The following NPAS3 variants were observed in gnomAD, a reference collection of about 807,000 sequenced individuals.
NPAS3 encodes the protein neuronal PAS domain-containing protein 3.
NPAS3 carries 14 observed loss-of-function variants against 73.1 expected under a neutral mutation model. The ratio of observed to expected loss-of-function variants is 0.19; its 90% CI spans 0.13 to 0.30. The LOEUF is 0.30. Among genes scored for constraint, NPAS3 ranks in the 10% least tolerant of loss-of-function variants. The pLI is 1.00. For synonymous variants in NPAS3, 620 were observed against 541.5 expected (o/e 1.14, Z -2.01); for missense variants, 1,096 against 1,250.0 (o/e 0.88, Z 1.86).
chr14:33,424,929 A>G (rs1158123331), intron 4 of NPAS3, among the ~76,000 whole-genome samples: 1 of 152,006 alleles, frequency 6.6e-6, no homozygotes, highest in African/African-American at 2.4e-5. Flanking sequence ...TTGAAGGACT[A>G]TGTGTAAAAA....
intron 4 of NPAS3, among the ~76,000 whole-genome samples, chr14:33,528,240 AG>A (rs2053888944): frequency 6.6e-6 from 1 of 151,980 alleles, no homozygotes; most frequent in Non-Finnish European, 1.5e-5. Flanking sequence ...TATTTCAGCC[AG>A]GTCTGCCTGA....
chr14:33,737,808 C>A (rs1017722954), intron 7 of NPAS3, among the ~76,000 whole-genome samples: 1 of 152,044 alleles, frequency 6.6e-6, no homozygotes, highest in African/African-American at 2.4e-5. Flanking sequence ...TGGTAATCAC[C>A]CCACCACCAC....
At chr14:33,165,035 A>G (rs1455038456) in intron 2 of NPAS3, among the ~76,000 whole-genome samples, 1 of 152,170 alleles carries the variant, frequency 6.6e-6, no homozygotes, top group African/African-American at 2.4e-5. Context: ...GAAAGGTGTA[A>G]GAGAGACAAG....
intron 4 of NPAS3, among the ~76,000 whole-genome samples, chr14:33,528,498 G>A (rs2053901213): frequency 6.6e-6 from 1 of 151,994 alleles, no homozygotes. Flanking sequence ...ACAAAGAGGA[G>A]GGAGTGGTCG....
chr14:33,629,706 C>G (rs1277636386), intron 5 of NPAS3, among the ~76,000 whole-genome samples: 3 of 151,890 alleles, frequency 2.0e-5, no homozygotes, highest in Admixed American at 6.6e-5. Context: ...GCATTTCAGA[C>G]ACACTGTCTT....
intron 5 of NPAS3, among the ~76,000 whole-genome samples, chr14:33,587,952 C>T (rs2139924217): frequency 6.6e-6 from 1 of 152,320 alleles, no homozygotes; most frequent in Admixed American, 6.5e-5. Flanking sequence ...AAACCTGATT[C>T]ACCACACCAT....
At chr14:33,466,619 C>A (rs958137583) in intron 4 of NPAS3, among the ~76,000 whole-genome samples, 7 of 152,090 alleles carry the variant, frequency 4.6e-5, no homozygotes, top group Non-Finnish European at 1.0e-4. Context: ...GTGCTACAGG[C>A]CATACAGAAA....
chr14:33,464,088 CAT>C (rs1454655397), intron 4 of NPAS3, among the ~76,000 whole-genome samples: 2 of 152,168 alleles, frequency 1.3e-5, no homozygotes, highest in Non-Finnish European at 2.9e-5. Flanking sequence ...CTCATTCACA[CAT>C]GATATCCCAA....
intron 3 of NPAS3, among the ~76,000 whole-genome samples, chr14:33,232,367 C>T (rs2047883638): frequency 6.6e-6 from 1 of 152,170 alleles, no homozygotes; most frequent in African/African-American, 2.4e-5. Context: ...ATCACTCACT[C>T]TTAGTTGTTT....
intron 3 of NPAS3, among the ~76,000 whole-genome samples, chr14:33,285,232 G>T (rs144011803): frequency 1.3e-5 from 2 of 152,160 alleles, no homozygotes; most frequent in African/African-American, 4.8e-5. Context: ...CAGAGCTGCC[G>T]TAGTCAGAAG....
chr14:33,129,108 T>A (rs1324669643), intron 2 of NPAS3, among the ~76,000 whole-genome samples: 1 of 152,076 alleles, frequency 6.6e-6, no homozygotes, highest in Non-Finnish European at 1.5e-5. Context: ...TGCAGAGGAC[T>A]CCCTGGATGT....
At chr14:33,146,864 T>G (rs1048000000) in intron 2 of NPAS3, among the ~76,000 whole-genome samples, 6 of 152,244 alleles carry the variant, frequency 3.9e-5, no homozygotes, top group African/African-American at 1.4e-4. Context: ...AAGTAGAAGT[T>G]ACACTTCAGC....
chr14:33,230,454 A>G (rs1233123972), intron 3 of NPAS3, among the ~76,000 whole-genome samples: 1 of 152,222 alleles, frequency 6.6e-6, no homozygotes, highest in Non-Finnish European at 1.5e-5. Context: ...AAGAACACTC[A>G]AACTTCTACT....
At chr14:33,452,515 G>A (rs1292852651) in intron 4 of NPAS3, among the ~76,000 whole-genome samples, 2 of 152,128 alleles carry the variant, frequency 1.3e-5, no homozygotes, top group African/African-American at 4.8e-5. Context: ...GCTCATGCCT[G>A]TAATCCCAGC....
chr14:33,444,608 T>A (rs936232601), intron 4 of NPAS3, among the ~76,000 whole-genome samples: 1 of 152,246 alleles, frequency 6.6e-6, no homozygotes, highest in South Asian at 2.1e-4. Flanking sequence ...GTCCAAGGAC[T>A]ACTGGGGCTA....
intron 6 of NPAS3, among the ~76,000 whole-genome samples, chr14:33,690,637 A>C (rs1476835554): frequency 2.6e-5 from 4 of 152,122 alleles, no homozygotes; most frequent in African/African-American, 9.7e-5. Flanking sequence ...GAGAACATGT[A>C]AAAGAGAGGC....
intron 1 of NPAS3, among the ~76,000 whole-genome samples, chr14:33,020,853 C>T (rs1237630218): frequency 1.3e-5 from 2 of 152,008 alleles, no homozygotes; most frequent in Non-Finnish European, 2.9e-5. Flanking sequence ...CCCCGCCTCC[C>T]GGGTTCAAGC....
intron 3 of NPAS3, among the ~76,000 whole-genome samples, chr14:33,314,413 C>T (rs2043127491): frequency 6.6e-6 from 1 of 151,948 alleles, no homozygotes; most frequent in Non-Finnish European, 1.5e-5. Context: ...ATTTGACCTT[C>T]AGTTGGCTCC....
chr14:33,140,990 C>G (rs533566933), intron 2 of NPAS3, among the ~76,000 whole-genome samples: 3 of 152,254 alleles, frequency 2.0e-5, no homozygotes, highest in African/African-American at 7.2e-5. Flanking sequence ...CAAACAATGG[C>G]GGAGCATCAG....
Sources: allele counts gnomAD v4.1 joint callset (sites outside exome capture counted in the v4.1 genomes callset), GRCh38; gene constraint gnomAD v4.1.1; transcripts MANE v1.5; gene names NCBI Gene and HGNC (gene_info 2026-07-23, HGNC 2026-07-21).